NPAT: variants seen among roughly 807,000 people sequenced by gnomAD.
NPAT encodes nuclear protein, coactivator of histone transcription, also known as protein NPAT.
NPAT carries 52 observed loss-of-function variants against 130.7 expected under a neutral mutation model. The observed-to-expected ratio is 0.40, with a 90% confidence interval of 0.32 to 0.50. NPAT has a LOEUF of 0.50. Ranked by LOEUF, NPAT falls within the 20% of genes least tolerant of loss-of-function variation. The pLI, the probability that NPAT is intolerant of heterozygous loss-of-function variation, is 0.68. For synonymous variants in NPAT, 580 were observed against 584.8 expected, an observed-to-expected ratio of 0.99 and a Z score of 0.12; for missense variants, 1,687 against 1,662.6, an observed-to-expected ratio of 1.01 and a Z score of -0.26.
At chr11:108,220,609 T>A (rs527695723) in intron 1 of NPAT, among the ~76,000 whole-genome samples, 1 of 152,038 alleles carries the variant, frequency 6.6e-6, no homozygotes, top group East Asian at 1.9e-4. Flanking sequence ...GGGGTACTGA[T>A]AGGAAAAGAA....
intron 10 of NPAT, among the ~76,000 whole-genome samples, chr11:108,179,930 T>TTA (rs1326810819): frequency 6.6e-6 from 1 of 152,144 alleles, no homozygotes; most frequent in African/African-American, 2.4e-5. Flanking sequence ...ACATCCAATG[T>TTA]TAAAACCTAT....
chr11:108,165,807 G>A (rs1276079286), intron 15 of NPAT, among the ~76,000 whole-genome samples: 1 of 151,734 alleles, frequency 6.6e-6, no homozygotes. Context: ...CTAATTTTTT[G>A]TATTTTTAGT....
intron 1 of NPAT, among the ~76,000 whole-genome samples, chr11:108,221,970 C>T (rs1231183148): frequency 6.6e-6 from 1 of 152,214 alleles, no homozygotes; most frequent in Non-Finnish European, 1.5e-5. Flanking sequence ...CACACCTCTA[C>T]ACTGGACGAC....
intron 1 of NPAT, chr11:108,208,621 C>G (rs1245560478): frequency 6.0e-6 from 2 of 334,718 alleles, no homozygotes; most frequent in African/African-American, 2.2e-5. Context: ...AGAAATAACA[C>G]TTATAAACAT....
At position 108,173,637 on chromosome 11, in the gene NPAT, A is replaced by G. The variant is rs1172003795; in HGVS notation, c.1347T>C (p.Asn449=). 6.2e-7 allele frequency: 1 copy of G among 1,614,078 alleles called. No individual in the cohort carries two copies. The highest frequency in any genetic ancestry group is 1.3e-5 in the African/African-American group (1 of 74,928). ...TCCCTCTTTGGTTAAAGTCATTCAA[A>G]TTAGGCACGGACTCAAAGGTAATGT... is the stretch of plus-strand genomic sequence containing the variant. ...DIDITFESVP[N]LNDFNQRGNS... is the part of the protein sequence containing the mutation. Residue 449 remains asparagine, a synonymous_variant, in exon 13 of 18, where the codon AAT becomes AAC. Transcript: ENST00000278612.
intron 1 of NPAT, among the ~76,000 whole-genome samples, chr11:108,212,530 A>C (rs1237965097): frequency 6.9e-6 from 1 of 143,898 alleles, no homozygotes; most frequent in African/African-American, 2.5e-5. Flanking sequence ...GTCTCAAAAG[A>C]AAAAAAAAAA....
intron 13 of NPAT, 93 bp downstream of exon 13, chr11:108,172,106 A>G: frequency 9.6e-7 from 1 of 1,038,176 alleles, no homozygotes; most frequent in Non-Finnish European, 1.5e-6. Context: ...CCATCTACTC[A>G]TTAGTTATTA....
At chr11:108,178,717 G>C (rs1186363451) in intron 10 of NPAT, among the ~76,000 whole-genome samples, 1 of 152,158 alleles carries the variant, frequency 6.6e-6, no homozygotes, top group African/African-American at 2.4e-5. Flanking sequence ...AATTAGCTGG[G>C]TGTGGTGGCG....
At position 108,160,948 on chromosome 11, in the gene NPAT, G is replaced by A. The variant is rs1431993418; in HGVS notation, c.4138C>T (p.Arg1380Ter). 6.2e-7 allele frequency: 1 copy of A among 1,613,934 alleles called. No individual in the cohort carries two copies. ...RKIEELDERE[R>*]NSRPSSKNLT... ...TTTTTACTAGAAGGACGAGAGTTTC[G>A]CTCACGTTCATCTAATTCCTCAATT... Residue 1380 changes from arginine to a stop codon, truncating the protein, a stop_gained, in exon 17 of 18, where the codon CGA becomes TGA. Coordinates refer to ENST00000278612, the MANE Select transcript of NPAT (RefSeq NM_002519.3). LOFTEE classifies it high-confidence loss of function.
At chr11:108,215,834 G>T (rs1002690760) in intron 1 of NPAT, among the ~76,000 whole-genome samples, 1 of 152,200 alleles carries the variant, frequency 6.6e-6, no homozygotes, top group African/African-American at 2.4e-5. Context: ...CAAAGGCATT[G>T]TGTTTTGGAG....
chr11:108,171,081 C>T (rs1042451427), intron 13 of NPAT: 3 of 150,356 alleles, frequency 2.0e-5, no homozygotes, highest in Admixed American at 1.3e-4. Flanking sequence ...CTACATATAA[C>T]ACAGCACGCA....
intron 1 of NPAT, among the ~76,000 whole-genome samples, chr11:108,211,062 T>C (rs1053780607): frequency 2.0e-5 from 3 of 151,598 alleles, no homozygotes; most frequent in South Asian, 2.1e-4. Context: ...CTACTACAAA[T>C]ACAAAAATTA....
chr11:108,185,400 T>C lies in NPAT; in HGVS notation c.818+3A>G, dbSNP rs746485935. 9.4e-6 allele frequency: 15 copies of C among 1,588,320 alleles called. No individual in the cohort carries two copies. The highest frequency in any genetic ancestry group is 1.1e-5 in the Non-Finnish European group (13 of 1,157,596). ...TTAGGCATTTTAAACATATATAGCT[T>C]ACCTAGTTAAAAATTTATTTATGTT... On this transcript the variant is annotated splice_donor_region_variant and intron_variant, in intron 9 of 17. Coordinates refer to ENST00000278612, the MANE Select transcript of NPAT (RefSeq NM_002519.3).
chr11:108,159,486 GACTTA>G (rs1472201956), intron 17 of NPAT, among the ~76,000 whole-genome samples: 1 of 152,142 alleles, frequency 6.6e-6, no homozygotes, highest in African/African-American at 2.4e-5. Flanking sequence ...AAAGGCTACA[GACTTA>G]ACCATGATCA....
chr11:108,191,189 A>G (rs1288650734), intron 4 of NPAT, among the ~76,000 whole-genome samples: 1 of 152,254 alleles, frequency 6.6e-6, no homozygotes, highest in African/African-American at 2.4e-5. Context: ...GCCTTCCCAC[A>G]GAGAAATTCT....
intron 1 of NPAT, among the ~76,000 whole-genome samples, chr11:108,219,668 A>G (rs1329639739): frequency 6.6e-6 from 1 of 152,216 alleles, no homozygotes; most frequent in Non-Finnish European, 1.5e-5. Context: ...CCAGAAACTG[A>G]TGGTAGTGAT....
Position 108,161,255 on chromosome 11 carries a change from T to C in NPAT, c.3831A>G (p.Glu1277=), listed in dbSNP as rs2077845077. Residue 1277 remains glutamate, a synonymous_variant, in exon 17 of 18, where the codon GAA becomes GAG. Transcript: ENST00000278612. The part of the protein sequence containing the change: ...VPRTPGSGAG[E]KHKEEPIDII... ...TATCTATAGGTTCTTCTTTATGTTT[T>C]TCCCCTGCCCCTGAGCCAGGTGTCC... 2 of 1,614,196 alleles carry C rather than the reference T, an allele frequency of 1.2e-6. No individual in the cohort carries two copies. The highest frequency in any genetic ancestry group is 1.7e-6 in the Non-Finnish European group (2 of 1,180,038).
Position 108,173,061 on chromosome 11 carries a change from A to G in NPAT, c.1923T>C (p.Ser641=), listed in dbSNP as rs771026472. ...STKQPSNDSA[S]VELNHTENEA... is the part of the protein sequence containing the mutation. Reference sequence around the variant, plus strand: ...CATTTTCTGTATGATTTAACTCAACAGATGCTGAATCATTAGATGGTTGTT... The same window carrying G: ...CATTTTCTGTATGATTTAACTCAACGGATGCTGAATCATTAGATGGTTGTT... Residue 641 remains serine, a synonymous_variant, in exon 13 of 18, where the codon TCT becomes TCC. Transcript: ENST00000278612. The G allele has an allele frequency of 6.2e-7, 1 of 1,614,072 alleles. No individual in the cohort carries two copies. Among genetic ancestry groups the G allele is most frequent in the Admixed American group, 1.7e-5 (1 of 60,024 alleles).
chr11:108,167,226 T>C (rs917448000), intron 15 of NPAT, among the ~76,000 whole-genome samples: 5 of 152,204 alleles, frequency 3.3e-5, no homozygotes, highest in African/African-American at 1.2e-4. Flanking sequence ...TCTCTTTTCT[T>C]TTCTGAGACA....
Sources: allele counts gnomAD v4.1 joint callset (sites outside exome capture counted in the v4.1 genomes callset), GRCh38; gene constraint gnomAD v4.1.1; transcripts MANE v1.5; gene names NCBI Gene and HGNC (gene_info 2026-07-23, HGNC 2026-07-21).